The following DYNLRB2 variants were observed in gnomAD, a reference collection of about 807,000 sequenced individuals.
DYNLRB2 encodes the protein dynein light chain roadblock-type 2.
Under a neutral mutation model 12.6 loss-of-function variants are expected in DYNLRB2, and 14 were observed. The ratio of observed to expected loss-of-function variants is 1.11; its 90% CI spans 0.73 to 1.73. DYNLRB2 has a LOEUF of 1.73. Ranked by LOEUF, DYNLRB2 falls within the 40% of genes most tolerant of loss-of-function variation. The pLI is 0.00. For synonymous variants in DYNLRB2, 53 were observed against 37.0 expected, an observed-to-expected ratio of 1.43 and a Z score of -1.57; for missense variants, 142 against 117.7, an observed-to-expected ratio of 1.21 and a Z score of -0.95.
At chr16:80,547,623 T>C (rs1299619792) in intron 2 of DYNLRB2, 1 of 361,246 alleles carries the variant, frequency 2.8e-6, no homozygotes, top group African/African-American at 2.1e-5. Flanking sequence ...ATTCTGGTTG[T>C]ATTTCTTGTT....
upstream of DYNLRB2, chr16:80,540,865 G>A (rs1597085694): frequency 6.0e-6 from 5 of 828,510 alleles, no homozygotes; most frequent in Admixed American, 2.0e-5. Context: ...GTGAGCGCCT[G>A]CTCCCCTCTT....
chr16:80,550,063 ACAT>A (rs1382185823), intron 3 of DYNLRB2, among the ~76,000 whole-genome samples: 1 of 152,208 alleles, frequency 6.6e-6, no homozygotes, highest in Non-Finnish European at 1.5e-5. Context: ...CTACCAGAAG[ACAT>A]CAGCCACAGA....
At position 80,550,738 on chromosome 16, in the gene DYNLRB2, A is replaced by G. The variant is rs1904795425; in HGVS notation, c.*180A>G. On this transcript the variant is annotated 3_prime_UTR_variant, in exon 4 of 4. Coordinates refer to ENST00000305904, the MANE Select transcript of DYNLRB2 (RefSeq NM_130897.3). Reference sequence around the variant, plus strand: ...TGATTATATTGTGAAGTTGTACTTTAGTGATACAATAAGTGAATTCTGGTA... The same window carrying G: ...TGATTATATTGTGAAGTTGTACTTTGGTGATACAATAAGTGAATTCTGGTA... 2 of 661,120 alleles carry G rather than the reference A, an allele frequency of 3.0e-6. No individual in the cohort carries two copies. The highest frequency in any genetic ancestry group is 2.7e-5 in the East Asian group (1 of 36,540). 41.0% of individuals were successfully genotyped at this position (661,120 alleles called of 1,614,324 possible).
intron 2 of DYNLRB2, chr16:80,547,701 A>C: frequency 2.2e-6 from 1 of 452,940 alleles, no homozygotes; most frequent in South Asian, 1.6e-5. Context: ...CTGCTCGTCA[A>C]AAAGTTCCCA....
chr16:80,547,406 C>T (rs112057842), intron 2 of DYNLRB2, among the ~76,000 whole-genome samples: 492 of 152,222 alleles, frequency 3.2e-3, no homozygotes, highest in African/African-American at 0.011. Flanking sequence ...TTAATTACCT[C>T]ACATGGTGCC....
intron 2 of DYNLRB2, among the ~76,000 whole-genome samples, chr16:80,543,846 A>G (rs1904313862): frequency 6.6e-6 from 1 of 152,232 alleles, no homozygotes; most frequent in Non-Finnish European, 1.5e-5. Context: ...TAGCATAAGA[A>G]GGCCCTACAT....
intron 1 of DYNLRB2, chr16:80,541,513 T>C (rs997408840): frequency 6.5e-6 from 3 of 461,614 alleles, no homozygotes; most frequent in Non-Finnish European, 5.7e-6. Context: ...GAAGGGAAGA[T>C]ACTGAGAAAG....
chr16:80,545,666 CTTTTT>C (rs775659372), intron 2 of DYNLRB2, among the ~76,000 whole-genome samples: 2 of 74,886 alleles, frequency 2.7e-5, no homozygotes, highest in Admixed American at 2.1e-4. Flanking sequence ...CCATTAGCTT[CTTTTT>C]TTTTTTTTTT....
At chr16:80,543,410 C>G in intron 2 of DYNLRB2, 59 bp downstream of exon 2, 2 of 1,539,644 alleles carry the variant, frequency 1.3e-6, no homozygotes, top group East Asian at 2.3e-5. Context: ...ACCTGTTTGC[C>G]GTGTTAGTCC....
chr16:80,541,809 T>C (rs369476121), intron 1 of DYNLRB2, among the ~76,000 whole-genome samples: 92 of 152,268 alleles, frequency 6.0e-4, no homozygotes, highest in African/African-American at 2.1e-3. Context: ...ACAGTGGCTG[T>C]AAGAAGCTGT....
chr16:80,546,648 T>C (rs755857284), intron 2 of DYNLRB2, among the ~76,000 whole-genome samples: 1 of 152,230 alleles, frequency 6.6e-6, no homozygotes, highest in Admixed American at 6.5e-5. Flanking sequence ...CACTGATCAT[T>C]GAATTAGATA....
chr16:80,541,157 G>T, intron 1 of DYNLRB2, 78 bp downstream of exon 1: 6 of 1,532,892 alleles, frequency 3.9e-6, no homozygotes, highest in Non-Finnish European at 5.3e-6. Flanking sequence ...CAGCTTCTGG[G>T]GCCCACCCAG....
intron 1 of DYNLRB2, chr16:80,541,407 A>G: frequency 1.0e-6 from 1 of 984,508 alleles, no homozygotes; most frequent in Non-Finnish European, 1.2e-6. Context: ...AAGTTTCCAA[A>G]GAGGGGGCGG....
At chr16:80,543,040 G>T (rs1479993878) in intron 1 of DYNLRB2, among the ~76,000 whole-genome samples, 8 of 152,220 alleles carry the variant, frequency 5.3e-5, no homozygotes, top group African/African-American at 1.4e-4. Context: ...TAAGCTCTCT[G>T]TCTCTACAAG....
At chr16:80,541,768 G>A (rs888590511) in intron 1 of DYNLRB2, among the ~76,000 whole-genome samples, 1 of 152,088 alleles carries the variant, frequency 6.6e-6, no homozygotes, top group African/African-American at 2.4e-5. Context: ...GAGTTTGGGA[G>A]ATAAGTAAAG....
chr16:80,543,009 G>A (rs1438071837), intron 1 of DYNLRB2, among the ~76,000 whole-genome samples: 1 of 152,212 alleles, frequency 6.6e-6, no homozygotes, highest in Non-Finnish European at 1.5e-5. Context: ...GATAAAAATG[G>A]AGTGAACTCC....
Position 80,549,724 on chromosome 16 carries a change from T to C in DYNLRB2, c.247+73T>C, listed in dbSNP as rs1415661550. ...AGATTAAAAGCCTTGTTTCTATGAA[T>C]GGTAAGTACAGATTTTAGTATAGAA... On this transcript the variant is annotated intron_variant, in intron 3 of 3. Coordinates refer to ENST00000305904, the MANE Select transcript of DYNLRB2 (RefSeq NM_130897.3). 6 of 1,422,634 alleles carry C rather than the reference T, an allele frequency of 4.2e-6. No individual in the cohort carries two copies. The East Asian group carries it at 9.2e-5, about 22-fold the overall frequency. The allele number at this position is 1,422,634 out of a possible 1,614,324, so 88.1% of individuals were successfully genotyped here. A position where few individuals can be genotyped will look rare whatever the true frequency, so the allele number is the denominator to read the frequency against.
At chr16:80,542,509 T>C (rs895173254) in intron 1 of DYNLRB2, among the ~76,000 whole-genome samples, 7 of 152,234 alleles carry the variant, frequency 4.6e-5, no homozygotes, top group Non-Finnish European at 1.0e-4. Context: ...TCAAGAGAAT[T>C]TGCAGAATTC....
intron 2 of DYNLRB2, chr16:80,547,650 C>T (rs6564762): frequency 0.69 from 274,698 of 399,110 alleles, 99,513 homozygotes; most frequent in East Asian, 0.83. Context: ...CTGAGCATTG[C>T]ACCCTTAGTA....
Sources: allele counts gnomAD v4.1 joint callset (sites outside exome capture counted in the v4.1 genomes callset), GRCh38; gene constraint gnomAD v4.1.1; transcripts MANE v1.5; gene names NCBI Gene and HGNC (gene_info 2026-07-23, HGNC 2026-07-21).